Variants in RHBDL2 observed in about 807,000 individuals in gnomAD.
RHBDL2 encodes rhomboid-related protein 2.
In RHBDL2, 26 loss-of-function variants were observed where a neutral mutation model predicts 31.7. That is an observed-to-expected ratio of 0.82 (90% CI 0.60 to 1.14). The LOEUF (loss-of-function observed/expected upper bound fraction) is 1.14, where lower values mean the gene tolerates loss of function less well. Among genes scored for constraint, RHBDL2 ranks in the 50% most tolerant of loss-of-function variants. RHBDL2 has a pLI of 0.00. For synonymous variants in RHBDL2, 123 were observed against 127.2 expected (o/e 0.97, Z 0.22); for missense variants, 336 against 364.4 (o/e 0.92, Z 0.63).
At chr1:38,896,450 T>G (rs1642919329) in intron 4 of RHBDL2, among the ~76,000 whole-genome samples, 1 of 152,254 alleles carries the variant, frequency 6.6e-6, no homozygotes, top group South Asian at 2.1e-4. Context: ...ATGTGTGTTT[T>G]GTGCTTAGAA....
intron 1 of RHBDL2, among the ~76,000 whole-genome samples, chr1:38,939,154 G>C (rs1355770796): frequency 6.6e-6 from 1 of 152,166 alleles, no homozygotes; most frequent in African/African-American, 2.4e-5. Flanking sequence ...GAAGGAGTCT[G>C]GATGCAGCAG....
intron 2 of RHBDL2, 46 bp from the exon 3 acceptor site, chr1:38,915,756 G>A: frequency 6.2e-7 from 1 of 1,608,990 alleles, no homozygotes; most frequent in Non-Finnish European, 8.5e-7. Flanking sequence ...CTTCTCCAGA[G>A]AGGGGCCCCA....
intron 1 of RHBDL2, chr1:38,929,331 CA>C: frequency 8.5e-7 from 1 of 1,178,674 alleles, no homozygotes; most frequent in South Asian, 1.3e-5. Context: ...TAGGTGGACA[CA>C]AGCGTCCAGG....
At chr1:38,934,130 T>C (rs1317830772) in intron 1 of RHBDL2, among the ~76,000 whole-genome samples, 3 of 146,114 alleles carry the variant, frequency 2.1e-5, no homozygotes, top group African/African-American at 7.5e-5. Context: ...GGTGGATCAT[T>C]TGAGGCCAGG....
At chr1:38,911,660 G>T (rs960417667) in intron 3 of RHBDL2, among the ~76,000 whole-genome samples, 2 of 150,938 alleles carry the variant, frequency 1.3e-5, no homozygotes, top group South Asian at 2.1e-4. Flanking sequence ...GCGCGCGCGC[G>T]TGTGTGACTT....
chr1:38,889,203 C>T (rs941385612), intron 6 of RHBDL2, among the ~76,000 whole-genome samples: 4 of 152,170 alleles, frequency 2.6e-5, no homozygotes, highest in African/African-American at 7.2e-5. Context: ...AAGCAATTCT[C>T]GTGCCTCAGC....
intron 1 of RHBDL2, among the ~76,000 whole-genome samples, chr1:38,940,609 G>A (rs1643550389): frequency 6.6e-6 from 1 of 152,118 alleles, no homozygotes; most frequent in South Asian, 2.1e-4. Flanking sequence ...CCTAAGGTGA[G>A]GGAGTTGCTG....
chr1:38,891,671 A>T (rs1245340102), intron 6 of RHBDL2, among the ~76,000 whole-genome samples: 1 of 152,246 alleles, frequency 6.6e-6, no homozygotes, highest in Non-Finnish European at 1.5e-5. Context: ...TAAACAAGTG[A>T]ATTATTTTAT....
intron 4 of RHBDL2, among the ~76,000 whole-genome samples, chr1:38,902,775 A>G (rs1369873073): frequency 6.6e-6 from 1 of 151,454 alleles, no homozygotes; most frequent in Non-Finnish European, 1.5e-5. Context: ...CTGGTCTCAA[A>G]CTCCTGGGCT....
intron 6 of RHBDL2, among the ~76,000 whole-genome samples, chr1:38,888,930 G>C (rs10890491): frequency 6.6e-5 from 10 of 152,076 alleles, no homozygotes; most frequent in African/African-American, 2.4e-4. Flanking sequence ...AAGACCTCCA[G>C]GTGATTCTGG....
chr1:38,921,578 A>C (rs942391913), intron 1 of RHBDL2, among the ~76,000 whole-genome samples: 2 of 152,172 alleles, frequency 1.3e-5, no homozygotes, highest in Non-Finnish European at 2.9e-5. Context: ...AATGAAACTC[A>C]TTAGGCAAGT....
chr1:38,903,106 A>G (rs1643016580), intron 4 of RHBDL2, among the ~76,000 whole-genome samples: 1 of 152,162 alleles, frequency 6.6e-6, no homozygotes, highest in East Asian at 1.9e-4. Flanking sequence ...CAAAAAGTAT[A>G]TATTTTCATG....
chr1:38,900,650 T>C (rs919454009), intron 4 of RHBDL2, among the ~76,000 whole-genome samples: 2 of 151,828 alleles, frequency 1.3e-5, no homozygotes, highest in South Asian at 2.1e-4. Flanking sequence ...CACTTGAACC[T>C]GGGAGACGGA....
chr1:38,917,662 C>T (rs560435262), intron 2 of RHBDL2, among the ~76,000 whole-genome samples: 1 of 152,304 alleles, frequency 6.6e-6, no homozygotes, highest in African/African-American at 2.4e-5. Context: ...CAGTTGCAAG[C>T]AGTCTCACAG....
At chr1:38,937,409 A>G (rs1643522361) in intron 1 of RHBDL2, among the ~76,000 whole-genome samples, 1 of 152,150 alleles carries the variant, frequency 6.6e-6, no homozygotes, top group African/African-American at 2.4e-5. Flanking sequence ...TGAATTTGGG[A>G]TGGACAGAGG....
chr1:38,935,691 C>T (rs2124356603), intron 1 of RHBDL2, among the ~76,000 whole-genome samples: 1 of 152,098 alleles, frequency 6.6e-6, no homozygotes, highest in East Asian at 1.9e-4. Context: ...CAGCTCACTG[C>T]AACCTCTGCC....
chr1:38,923,521 C>T (rs1237002200), intron 1 of RHBDL2, among the ~76,000 whole-genome samples: 1 of 152,114 alleles, frequency 6.6e-6, no homozygotes, highest in Non-Finnish European at 1.5e-5. Flanking sequence ...TAATTTTGTC[C>T]TTCCTTGGGC....
chr1:38,911,963 C>G (rs998994337), intron 3 of RHBDL2, among the ~76,000 whole-genome samples: 4 of 151,800 alleles, frequency 2.6e-5, no homozygotes, highest in Admixed American at 2.6e-4. Context: ...CCTGCAACCA[C>G]GCCCAGCTAA....
chr1:38,892,495 T>C (rs1642866874), intron 6 of RHBDL2, among the ~76,000 whole-genome samples: 1 of 152,194 alleles, frequency 6.6e-6, no homozygotes. Flanking sequence ...TAGGCATGTC[T>C]AAGAACCACC....
Sources: gnomAD v4.1 joint callset for allele counts (sites outside exome capture counted in the v4.1 genomes callset) on GRCh38, gnomAD v4.1.1 for gene constraint, MANE v1.5 for transcripts, NCBI Gene and HGNC (gene_info 2026-07-23, HGNC 2026-07-21) for gene names.